MTMR8: variants seen among roughly 807,000 people sequenced by gnomAD.
MTMR8 encodes myotubularin related protein 8.
Under a neutral mutation model 39.3 loss-of-function variants are expected in MTMR8, and 65 were observed. That is an observed-to-expected ratio of 1.65 (90% CI 1.35 to 2.03). The LOEUF (loss-of-function observed/expected upper bound fraction) is 2.03, where lower values mean the gene tolerates loss of function less well. MTMR8 is among the 30% of genes most tolerant of loss of function. The pLI is 0.00. For synonymous variants in MTMR8, 245 were observed against 185.2 expected, an observed-to-expected ratio of 1.32 and a Z score of -2.62; for missense variants, 777 against 538.9, an observed-to-expected ratio of 1.44 and a Z score of -4.37.
At chrX:64,355,572 G>A (rs1923599563) in intron 3 of MTMR8, among the ~76,000 whole-genome samples, 1 of 110,794 alleles carries the variant, frequency 9.0e-6, no homozygotes, top group Non-Finnish European at 1.9e-5. Flanking sequence ...AAATATTGAG[G>A]AATTACTCTG....
chrX:64,371,838 A>G (rs991639527), intron 1 of MTMR8, among the ~76,000 whole-genome samples: 2 of 110,857 alleles, frequency 1.8e-5, no homozygotes, highest in Admixed American at 1.9e-4. Context: ...TATTAAGTAG[A>G]TAAATAATAC....
intron 12 of MTMR8, among the ~76,000 whole-genome samples, chrX:64,271,921 A>T (rs1030842315): frequency 8.9e-6 from 1 of 112,441 alleles, no homozygotes; most frequent in African/African-American, 3.2e-5. Flanking sequence ...ACATGCACAC[A>T]GCATTCTAAA....
At chrX:64,392,273 A>G (rs1357290345) in intron 1 of MTMR8, among the ~76,000 whole-genome samples, 3 of 112,380 alleles carry the variant, frequency 2.7e-5, no homozygotes, top group Non-Finnish European at 5.6e-5. Flanking sequence ...AAAATGTACT[A>G]TTGGCAAAAG....
chrX:64,311,108 C>T (rs768247116), intron 12 of MTMR8, among the ~76,000 whole-genome samples: 184 of 111,925 alleles, frequency 1.6e-3, no homozygotes, highest in Non-Finnish European at 2.5e-3. Flanking sequence ...CTAATTTACA[C>T]TCCCACCAAC....
intron 12 of MTMR8, among the ~76,000 whole-genome samples, chrX:64,299,928 C>T (rs1280254891): frequency 1.3e-5 from 1 of 75,907 alleles, no homozygotes; most frequent in Non-Finnish European, 2.5e-5. Flanking sequence ...AGTTTGATTG[C>T]ACTGTGGTCT....
At chrX:64,304,895 T>C (rs1171570707) in intron 12 of MTMR8, among the ~76,000 whole-genome samples, 5 of 67,758 alleles carry the variant, frequency 7.4e-5, no homozygotes, top group African/African-American at 2.4e-4. Context: ...TATATATATA[T>C]ATATATATAT....
intron 1 of MTMR8, among the ~76,000 whole-genome samples, chrX:64,379,230 C>T (rs935412313): frequency 5.4e-5 from 6 of 111,892 alleles, no homozygotes; most frequent in Non-Finnish European, 9.4e-5. Flanking sequence ...CAATTATCTA[C>T]CATCTCTTCA....
At chrX:64,334,334 C>T (rs757426580) in intron 10 of MTMR8, among the ~76,000 whole-genome samples, 2 of 110,017 alleles carry the variant, frequency 1.8e-5, no homozygotes, top group Non-Finnish European at 3.8e-5. Flanking sequence ...CTCCCATCTC[C>T]TGGTGAGTTC....
chrX:64,343,474 G>T, intron 8 of MTMR8, 137 bp downstream of exon 8: 1 of 422,733 alleles, frequency 2.4e-6, no homozygotes, highest in African/African-American at 2.4e-5. Flanking sequence ...CTTGCCCAAG[G>T]GCACACAGTG....
chrX:64,341,471 C>T (rs763343065), intron 8 of MTMR8, among the ~76,000 whole-genome samples: 885 of 84,672 alleles, frequency 0.01, 9 homozygotes, highest in Non-Finnish European at 0.017. Flanking sequence ...AAGAGCAAAA[C>T]TCTGTCTCAA....
chrX:64,305,738 A>T (rs1342676311), intron 12 of MTMR8: 1 of 472,498 alleles, frequency 2.1e-6, no homozygotes, highest in Non-Finnish European at 3.9e-6. Flanking sequence ...TTACAAATGT[A>T]TGATGAATTA....
At chrX:64,276,351 C>T (rs763891279) in intron 12 of MTMR8, among the ~76,000 whole-genome samples, 2 of 110,780 alleles carry the variant, frequency 1.8e-5, no homozygotes, top group South Asian at 7.7e-4. Flanking sequence ...AGTTCTAGAC[C>T]TAGAACATCT....
intron 5 of MTMR8, 55 bp from the exon 6 acceptor site, chrX:64,348,849 C>T (rs1923412531): frequency 4.3e-6 from 5 of 1,171,298 alleles, no homozygotes; most frequent in Non-Finnish European, 5.8e-6. Flanking sequence ...GGTCAAAAAT[C>T]TTTCTTGACC....
chrX:64,343,994 A>G (rs1456515390), intron 7 of MTMR8, among the ~76,000 whole-genome samples: 2 of 110,665 alleles, frequency 1.8e-5, no homozygotes, highest in African/African-American at 3.3e-5. Flanking sequence ...TAGCATCTAC[A>G]GGAAAACACA....
At chrX:64,290,416 A>C (rs1242253336) in intron 12 of MTMR8, among the ~76,000 whole-genome samples, 1 of 110,617 alleles carries the variant, frequency 9.0e-6, no homozygotes, top group African/African-American at 3.3e-5. Flanking sequence ...CTCTGACCAG[A>C]TGCACATTAA....
At chrX:64,387,697 TGA>T (rs999516979) in intron 1 of MTMR8, among the ~76,000 whole-genome samples, 1 of 88,739 alleles carries the variant, frequency 1.1e-5, no homozygotes, top group Non-Finnish European at 2.2e-5. Flanking sequence ...GAAGAGAGAA[TGA>T]GAGAGAGAGA....
intron 12 of MTMR8, among the ~76,000 whole-genome samples, chrX:64,303,728 C>A (rs895837532): frequency 1.2e-4 from 14 of 112,331 alleles, no homozygotes. Flanking sequence ...GTGCCAAATT[C>A]CATTTTAGAA....
chrX:64,309,501 G>T (rs1922229828), intron 12 of MTMR8, among the ~76,000 whole-genome samples: 1 of 110,952 alleles, frequency 9.0e-6, no homozygotes, highest in East Asian at 2.8e-4. Context: ...AGATTCGTTG[G>T]GATTTTTTCT....
Position 64,335,869 on chromosome X carries a change from T to C in MTMR8, c.1151+210A>G, listed in dbSNP as rs1411694871. 2.7e-5 allele frequency among the ~76,000 whole-genome samples: 3 copies of C among 112,430 alleles called. No individual in the cohort carries two copies. The Admixed American group carries it at 2.8e-4, about 11-fold the overall frequency. On this transcript the variant is annotated intron_variant, in intron 10 of 13. Coordinates refer to ENST00000374852, the MANE Select transcript of MTMR8 (RefSeq NM_017677.4). ...TTTAACAATTTGATATAATTACTTG[T>C]ACTCCTTGAAAACAGGGATAATATT...
Sources: gnomAD v4.1 joint callset for allele counts (sites outside exome capture counted in the v4.1 genomes callset) on GRCh38, gnomAD v4.1.1 for gene constraint, MANE v1.5 for transcripts, NCBI Gene and HGNC (gene_info 2026-07-23, HGNC 2026-07-21) for gene names.